Variants in MAGI2 observed in about 807,000 individuals in gnomAD.
MAGI2 encodes membrane-associated guanylate kinase, WW and PDZ domain-containing protein 2.
A neutral mutation model predicts 133.3 loss-of-function variants in MAGI2; 35 were observed. That is an observed-to-expected ratio of 0.26 (90% CI 0.20 to 0.35). The LOEUF (loss-of-function observed/expected upper bound fraction) is 0.35. Ranked by LOEUF, MAGI2 falls within the 10% of genes least tolerant of loss-of-function variation. The probability of loss-of-function intolerance (pLI) is 1.00; values close to 1 mark genes in which losing one functional copy is unlikely to be tolerated. For missense variants in MAGI2, 1,636 were observed against 1,863.4 expected, an observed-to-expected ratio of 0.88 and a Z score of 2.25; for synonymous variants, 729 against 710.6, an observed-to-expected ratio of 1.03 and a Z score of -0.41.
intron 2 of MAGI2, among the ~76,000 whole-genome samples, chr7:78,797,953 G>GAAA (rs144399882): frequency 8.4e-4 from 128 of 152,218 alleles, no homozygotes; most frequent in African/African-American, 2.8e-3. Flanking sequence ...GAGGGATCTA[G>GAAA]AAACATACTT....
At position 78,997,108 on chromosome 7, in the gene MAGI2, T is replaced by G. The variant is rs575494957; in HGVS notation, c.418+9982A>C. 4.6e-5 allele frequency among the ~76,000 whole-genome samples: 7 copies of G among 152,312 alleles called. No homozygotes were observed. In the South Asian group the frequency reaches 8.3e-4, roughly 18 times the overall value. ...CTTTGGAGGACAAGTTAAAAAGTTA[T>G]TATTGATGCATACAAGTGGGTCTTG... On this transcript the variant is annotated intron_variant, in intron 2 of 21. Transcript: ENST00000354212.
intron 9 of MAGI2, among the ~76,000 whole-genome samples, chr7:78,316,210 A>G (rs1444930988): frequency 6.6e-6 from 1 of 152,232 alleles, no homozygotes; most frequent in Non-Finnish European, 1.5e-5. Context: ...TTCAAGGTGC[A>G]TTGCAAACAA....
chr7:78,907,693 C>T (rs1038320508), intron 2 of MAGI2, among the ~76,000 whole-genome samples: 20 of 152,032 alleles, frequency 1.3e-4, no homozygotes, highest in African/African-American at 3.9e-4. Context: ...ATTCATTTAC[C>T]TGACTGTCAC....
intron 1 of MAGI2, among the ~76,000 whole-genome samples, chr7:79,303,874 T>G (rs1208309217): frequency 6.6e-6 from 1 of 152,202 alleles, no homozygotes; most frequent in African/African-American, 2.4e-5. Flanking sequence ...AACACGTGGT[T>G]AATGTGTTGC....
At chr7:78,111,854 G>A (rs982499822) in intron 20 of MAGI2, among the ~76,000 whole-genome samples, 5 of 152,202 alleles carry the variant, frequency 3.3e-5, no homozygotes, top group Non-Finnish European at 5.9e-5. Context: ...AAAGAGGCAC[G>A]CTGTATGCAG....
At chr7:78,020,886 T>G (rs1164907708) in intron 21 of MAGI2, among the ~76,000 whole-genome samples, 3 of 152,238 alleles carry the variant, frequency 2.0e-5, no homozygotes, top group Admixed American at 1.3e-4. Flanking sequence ...TAATTCTTTT[T>G]AGTACTTCTA....
intron 1 of MAGI2, among the ~76,000 whole-genome samples, chr7:79,425,718 T>C (rs1255284614): frequency 6.6e-6 from 1 of 151,874 alleles, no homozygotes; most frequent in East Asian, 1.9e-4. Context: ...ATTATAGTCT[T>C]GTTATATCTG....
At chr7:78,860,317 C>A (rs562926783) in intron 2 of MAGI2, among the ~76,000 whole-genome samples, 24 of 152,148 alleles carry the variant, frequency 1.6e-4, no homozygotes, top group Non-Finnish European at 2.6e-4. Flanking sequence ...GGAGAAGAGG[C>A]GCTCTGATTT....
intron 1 of MAGI2, among the ~76,000 whole-genome samples, chr7:79,230,438 TCCTCTCCAGCA>T: frequency 6.6e-6 from 1 of 151,644 alleles, no homozygotes; most frequent in Middle Eastern, 3.4e-3. Flanking sequence ...TTTCTCCACA[TCCTCTCCAGCA>T]CCTGTTGTTT....
intron 1 of MAGI2, among the ~76,000 whole-genome samples, chr7:79,263,020 A>G (rs1376214492): frequency 6.6e-6 from 1 of 152,144 alleles, no homozygotes; most frequent in Non-Finnish European, 1.5e-5. Flanking sequence ...CTTGGCTTAT[A>G]TATCATCATA....
At chr7:79,402,160 T>C (rs532206308) in intron 1 of MAGI2, among the ~76,000 whole-genome samples, 1 of 152,238 alleles carries the variant, frequency 6.6e-6, no homozygotes, top group African/African-American at 2.4e-5. Flanking sequence ...TCTATAGTTC[T>C]AGGAAAATAG....
intron 2 of MAGI2, among the ~76,000 whole-genome samples, chr7:78,774,468 G>A (rs778913850): frequency 6.6e-6 from 1 of 152,148 alleles, no homozygotes; most frequent in Non-Finnish European, 1.5e-5. Flanking sequence ...TCTCTCAGTG[G>A]CTGTATAATT....
intron 4 of MAGI2, among the ~76,000 whole-genome samples, chr7:78,516,805 G>C (rs750139839): frequency 6.6e-6 from 1 of 152,180 alleles, no homozygotes; most frequent in Non-Finnish European, 1.5e-5. Context: ...GTGATATTTC[G>C]AAGGCAAGGA....
chr7:78,962,291 C>T (rs1345860175), intron 2 of MAGI2, among the ~76,000 whole-genome samples: 1 of 152,004 alleles, frequency 6.6e-6, no homozygotes, highest in Non-Finnish European at 1.5e-5. Context: ...ACTTGATTTT[C>T]AGAGGTCCGG....
At position 78,332,464 on chromosome 7, in the gene MAGI2, C is replaced by T. The variant is rs1021183609; in HGVS notation, c.1408+11314G>A. Among the ~76,000 whole-genome samples, 17 of 152,076 alleles carry T rather than the reference C, an allele frequency of 1.1e-4. No homozygotes were observed. In the East Asian group the frequency reaches 2.3e-3, roughly 21 times the overall value. On this transcript the variant is annotated intron_variant, in intron 9 of 21. Coordinates refer to ENST00000354212, the MANE Select transcript of MAGI2 (RefSeq NM_012301.4). ...CTGTAATCCCAGCATTTCGGGAGGC[C>T]GAGGCGGGAGGATCACAAGGTCAGG...
At chr7:78,957,991 T>G (rs1378927618) in intron 2 of MAGI2, among the ~76,000 whole-genome samples, 7 of 152,204 alleles carry the variant, frequency 4.6e-5, no homozygotes, top group Admixed American at 4.6e-4. Flanking sequence ...AGGCAATACC[T>G]GTAAGACCCC....
intron 1 of MAGI2, among the ~76,000 whole-genome samples, chr7:79,183,891 GAC>G (rs1261421727): frequency 3.3e-5 from 5 of 151,802 alleles, no homozygotes; most frequent in Non-Finnish European, 7.4e-5. Flanking sequence ...GGCACAGAAA[GAC>G]AAATACTGCA....
chr7:79,183,484 T>TG (rs1224960344), intron 1 of MAGI2, among the ~76,000 whole-genome samples: 1 of 151,914 alleles, frequency 6.6e-6, no homozygotes, highest in Non-Finnish European at 1.5e-5. Flanking sequence ...TTCTTATTAC[T>TG]GACTTTAGAG....
At position 78,772,288 on chromosome 7, in the gene MAGI2, C is replaced by A. The variant is rs578163079; in HGVS notation, c.419-145049G>T. ...TTCTTTCAAGGGTCAAAGAATCAGT[C>A]ATTTTTTTGAACACTCAGATAAAAA... is the stretch of plus-strand genomic sequence containing the variant. On this transcript the variant is annotated intron_variant, in intron 2 of 21. Transcript: ENST00000354212. Among the ~76,000 whole-genome samples, 7 of 152,238 alleles carry A rather than the reference C, an allele frequency of 4.6e-5. No homozygotes were observed. In the South Asian group the frequency reaches 1.2e-3, roughly 27 times the overall value.
Sources: gnomAD v4.1 joint callset for allele counts (sites outside exome capture counted in the v4.1 genomes callset) on GRCh38, gnomAD v4.1.1 for gene constraint, MANE v1.5 for transcripts, NCBI Gene and HGNC (gene_info 2026-07-23, HGNC 2026-07-21) for gene names.